The following NPSR1 variants were observed in gnomAD, a reference collection of about 807,000 sequenced individuals.
NPSR1 encodes neuropeptide S receptor 1, also known as neuropeptide S receptor.
Under a neutral mutation model 46.9 loss-of-function variants are expected in NPSR1, and 48 were observed. That is an observed-to-expected ratio of 1.02 (90% CI 0.81 to 1.30). NPSR1 has a LOEUF of 1.30. Among genes scored for constraint, NPSR1 ranks in the 50% most tolerant of loss-of-function variants. The pLI, the probability that NPSR1 is intolerant of heterozygous loss-of-function variation, is 0.00. For synonymous variants in NPSR1, 176 were observed against 168.1 expected, an observed-to-expected ratio of 1.05 and a Z score of -0.36; for missense variants, 450 against 449.5, an observed-to-expected ratio of 1.00 and a Z score of -0.01.
chr7:34,677,034 G>C (rs141316266), intron 1 of NPSR1, among the ~76,000 whole-genome samples: 2 of 152,266 alleles, frequency 1.3e-5, no homozygotes, highest in African/African-American at 4.8e-5. Context: ...CAGTCCAAGG[G>C]ATCACTGACT....
At chr7:34,789,579 G>A (rs1787625627) in intron 3 of NPSR1, among the ~76,000 whole-genome samples, 1 of 151,564 alleles carries the variant, frequency 6.6e-6, no homozygotes, top group African/African-American at 2.4e-5. Flanking sequence ...GATCACCTGA[G>A]GTCAGGAGTT....
intron 8 of NPSR1, among the ~76,000 whole-genome samples, chr7:34,875,133 G>A (rs1791544740): frequency 6.6e-6 from 1 of 152,148 alleles, no homozygotes; most frequent in Non-Finnish European, 1.5e-5. Context: ...TTTATTGGAT[G>A]AATGAATTAA....
At chr7:34,828,989 G>T (rs1789993216) in intron 5 of NPSR1, among the ~76,000 whole-genome samples, 1 of 152,182 alleles carries the variant, frequency 6.6e-6, no homozygotes, top group East Asian at 1.9e-4. Context: ...AGTTTAAAAA[G>T]TATTTCATTG....
At chr7:34,709,479 C>T (rs1224270267) in intron 2 of NPSR1, among the ~76,000 whole-genome samples, 1 of 151,956 alleles carries the variant, frequency 6.6e-6, no homozygotes, top group East Asian at 1.9e-4. Context: ...ATAGCTAACT[C>T]CCTCATGTCC....
intron 2 of NPSR1, among the ~76,000 whole-genome samples, chr7:34,733,685 T>C (rs1784540704): frequency 6.6e-6 from 1 of 152,214 alleles, no homozygotes; most frequent in Non-Finnish European, 1.5e-5. Context: ...GCAATATTTT[T>C]GTGGAGGATC....
rs77890894 is a variant in NPSR1, at chr7:34,875,270, T to C, written c.1026-2806T>C. ...CCTTTGCTAGTAAAAAACAGGGCCC[T>C]TGGAGCAACATTGGTCTTTCTTGGA... On this transcript the variant is annotated intron_variant, in intron 8 of 8. Coordinates refer to the NPSR1 transcript ENST00000359791. Among the ~76,000 whole-genome samples the C allele has an allele frequency of 7.5e-3, 1,139 of 152,272 alleles. 70 individuals are homozygous for C. In the East Asian group the frequency reaches 0.15, roughly 20 times the overall value.
At chr7:34,703,978 A>C (rs778402013) in intron 2 of NPSR1, 5 of 152,220 alleles carry the variant, frequency 3.3e-5, no homozygotes, top group Non-Finnish European at 7.3e-5. Context: ...AAATCTTCTC[A>C]TATTGGGAAA....
intron 2 of NPSR1, among the ~76,000 whole-genome samples, chr7:34,748,610 C>A (rs1438378212): frequency 3.9e-5 from 6 of 152,122 alleles, no homozygotes; most frequent in Non-Finnish European, 8.8e-5. Flanking sequence ...GGTTTGATGT[C>A]CCTATTAAAA....
chr7:34,798,152 T>C (rs1024055733), intron 3 of NPSR1, among the ~76,000 whole-genome samples: 2 of 152,226 alleles, frequency 1.3e-5, no homozygotes, highest in African/African-American at 4.8e-5. Context: ...AATTGACCTA[T>C]AGATAGTTGC....
At chr7:34,815,517 T>G (rs1244827950) in intron 4 of NPSR1, among the ~76,000 whole-genome samples, 2 of 152,074 alleles carry the variant, frequency 1.3e-5, no homozygotes. Context: ...TATCCAGAAC[T>G]TGCCCAAAAT....
intron 2 of NPSR1, chr7:34,750,254 G>A (rs925232140): frequency 1.5e-6 from 1 of 658,990 alleles, no homozygotes; most frequent in South Asian, 1.5e-5. Context: ...GACTTCTCAG[G>A]ATCTGTGCCT....
At chr7:34,842,657 C>A (rs1013085310) in intron 6 of NPSR1, among the ~76,000 whole-genome samples, 1 of 152,186 alleles carries the variant, frequency 6.6e-6, no homozygotes, top group Non-Finnish European at 1.5e-5. Context: ...TAGGAGTGGC[C>A]TTACAGGGTA....
chr7:34,706,861 T>C (rs1794138796), intron 2 of NPSR1, among the ~76,000 whole-genome samples: 1 of 152,222 alleles, frequency 6.6e-6, no homozygotes, highest in South Asian at 2.1e-4. Flanking sequence ...GTTTTTTAAT[T>C]GGCTAACATC....
chr7:34,685,174 T>A (rs1009890948), intron 2 of NPSR1, among the ~76,000 whole-genome samples: 1 of 152,198 alleles, frequency 6.6e-6, no homozygotes, highest in Non-Finnish European at 1.5e-5. Context: ...AATGAAGTAA[T>A]ATAATCTCAA....
chr7:34,662,672 T>C (rs1255429592), intron 1 of NPSR1, among the ~76,000 whole-genome samples: 1 of 152,202 alleles, frequency 6.6e-6, no homozygotes, highest in African/African-American at 2.4e-5. Context: ...CCAGTTTTGC[T>C]CGGTTAAATC....
At chr7:34,840,990 A>G (rs1584130448) in intron 6 of NPSR1, among the ~76,000 whole-genome samples, 1 of 152,240 alleles carries the variant, frequency 6.6e-6, no homozygotes, top group East Asian at 1.9e-4. Context: ...GGGGTATTCA[A>G]GCTATATTAG....
chr7:34,672,420 AAATTCAAGG>A (rs1487271639), intron 1 of NPSR1, among the ~76,000 whole-genome samples: 1 of 152,232 alleles, frequency 6.6e-6, no homozygotes, highest in Non-Finnish European at 1.5e-5. Flanking sequence ...GTTTCTGGTG[AAATTCAAGG>A]ATTCACCAGT....
chr7:34,718,223 T>C (rs1337928828), intron 2 of NPSR1, among the ~76,000 whole-genome samples: 1 of 152,238 alleles, frequency 6.6e-6, no homozygotes, highest in Non-Finnish European at 1.5e-5. Context: ...TAATACGTTA[T>C]GCTAAATAAC....
chr7:34,751,929 T>A, intron 2 of NPSR1: 1 of 1,357,176 alleles, frequency 7.4e-7, no homozygotes, highest in Non-Finnish European at 1.1e-6. Context: ...CAACTTGTGT[T>A]CCTGAGGCAA....
Sources: gnomAD v4.1 joint callset for allele counts (sites outside exome capture counted in the v4.1 genomes callset) on GRCh38, gnomAD v4.1.1 for gene constraint, MANE v1.5 for transcripts, NCBI Gene and HGNC (gene_info 2026-07-23, HGNC 2026-07-21) for gene names.